The following LAMA2 variants were observed in gnomAD, a reference collection of about 807,000 sequenced individuals.
LAMA2 encodes the protein laminin subunit alpha-2.
Under a neutral mutation model 364.8 loss-of-function variants are expected in LAMA2, and 269 were observed. The observed-to-expected ratio is 0.74, with a 90% CI of 0.67 to 0.82. LAMA2 has a LOEUF of 0.82. LAMA2 is among the 40% of genes least tolerant of loss of function. The pLI is 0.00. For synonymous variants in LAMA2, 1,379 were observed against 1,370.6 expected (o/e 1.01, Z -0.14); for missense variants, 3,807 against 3,873.2 (o/e 0.98, Z 0.45).
Position 128,950,634 on chromosome 6 carries a change from T to C in LAMA2, c.112+67277T>C, listed in dbSNP as rs148230673. 3.9e-5 allele frequency among the ~76,000 whole-genome samples: 6 copies of C among 152,288 alleles called. No individual in the cohort carries two copies. The East Asian group carries it at 1.2e-3, about 29-fold the overall frequency. On this transcript the variant is annotated intron_variant, in intron 1 of 64. Coordinates refer to ENST00000421865, the MANE Select transcript of LAMA2 (RefSeq NM_000426.4). The stretch of plus-strand genomic sequence containing the variant: ...CCTCTTTCTCTCCCTTCTTAGCTGT[T>C]TGACCTCAGTCAAGTTATGTCACCT...
At chr6:129,219,616 G>A (rs907548222) in intron 12 of LAMA2, among the ~76,000 whole-genome samples, 6 of 146,668 alleles carry the variant, frequency 4.1e-5, no homozygotes, top group Admixed American at 1.4e-4. Context: ...AGAAAATGTG[G>A]CACATATACA....
intron 55 of LAMA2, among the ~76,000 whole-genome samples, chr6:129,482,990 C>G (rs1359142114): frequency 6.6e-6 from 1 of 150,780 alleles, no homozygotes; most frequent in Admixed American, 6.6e-5. Context: ...TTGCTTGAAC[C>G]TGGGAGGCCG....
At chr6:128,987,144 T>G (rs1284391864) in intron 1 of LAMA2, among the ~76,000 whole-genome samples, 3 of 143,790 alleles carry the variant, frequency 2.1e-5, no homozygotes, top group Admixed American at 7.0e-5. Flanking sequence ...TTTTTTGTTT[T>G]TTTTTTTTTT....
At chr6:129,184,380 A>T (rs796430923) in intron 10 of LAMA2, among the ~76,000 whole-genome samples, 12 of 151,968 alleles carry the variant, frequency 7.9e-5, no homozygotes, top group African/African-American at 2.9e-4. Flanking sequence ...AGTTCAAATA[A>T]TATTATGTTA....
intron 40 of LAMA2, among the ~76,000 whole-genome samples, chr6:129,426,404 T>C (rs1277865412): frequency 6.6e-6 from 1 of 152,100 alleles, no homozygotes; most frequent in Admixed American, 6.6e-5. Context: ...TCTGAGTGGG[T>C]AACCTGAGGC....
intron 3 of LAMA2, among the ~76,000 whole-genome samples, chr6:129,079,636 G>C (rs1429689613): frequency 1.3e-5 from 2 of 151,316 alleles, no homozygotes; most frequent in South Asian, 4.2e-4. Flanking sequence ...TCGTTTCCCA[G>C]TATTTCTTGA....
chr6:129,243,122 T>A (rs1259891118), intron 12 of LAMA2, among the ~76,000 whole-genome samples: 2 of 152,136 alleles, frequency 1.3e-5, no homozygotes, highest in Non-Finnish European at 2.9e-5. Flanking sequence ...GAACTCCTAA[T>A]TGTCTGGTTT....
At chr6:128,987,656 G>C (rs752482358) in intron 1 of LAMA2, among the ~76,000 whole-genome samples, 3 of 152,110 alleles carry the variant, frequency 2.0e-5, no homozygotes, top group Non-Finnish European at 4.4e-5. Flanking sequence ...GTTGATTGGG[G>C]CAGAGAAAAT....
intron 4 of LAMA2, among the ~76,000 whole-genome samples, chr6:129,113,230 C>A (rs532784731): frequency 6.6e-6 from 1 of 152,058 alleles, no homozygotes; most frequent in South Asian, 2.1e-4. Flanking sequence ...AGTGTGTTAG[C>A]CCCTCATTTT....
chr6:129,309,300 A>T (rs1171497235), intron 22 of LAMA2, among the ~76,000 whole-genome samples: 4 of 152,176 alleles, frequency 2.6e-5, no homozygotes, highest in African/African-American at 4.8e-5. Context: ...TCTATTTATG[A>T]TTTAAATTTG....
intron 1 of LAMA2, among the ~76,000 whole-genome samples, chr6:128,960,343 CTT>C (rs35955136): frequency 9.6e-4 from 107 of 111,988 alleles, no homozygotes; most frequent in East Asian, 8.0e-3. Context: ...TTTTTTTTTC[CTT>C]TTTTTTTTTT....
At chr6:129,153,559 G>C (rs1181319344) in intron 7 of LAMA2, among the ~76,000 whole-genome samples, 1 of 152,130 alleles carries the variant, frequency 6.6e-6, no homozygotes, top group Non-Finnish European at 1.5e-5. Flanking sequence ...CTGGAGTCTG[G>C]CTTCAGAGGT....
In LAMA2 at chr6:129,342,126, T is replaced by C. The variant is rs1387918; in HGVS notation, c.4312-217T>C. The stretch of plus-strand genomic sequence containing the variant: ...ACTCTTATTGTCAGTGTAGCTACGA[T>C]AGCACAGTATTAGTTTCTCAAATCA... On this transcript the variant is annotated intron_variant, in intron 29 of 64. Transcript: ENST00000421865. Among the ~76,000 whole-genome samples, 58,407 of 152,090 alleles carry C rather than the reference T, an allele frequency of 0.38. 12,993 individuals are homozygous for C. The highest frequency in any genetic ancestry group is 0.5 in the Non-Finnish European group (34,034 of 67,940).
At chr6:128,961,596 G>C (rs1018204149) in intron 1 of LAMA2, among the ~76,000 whole-genome samples, 1 of 148,300 alleles carries the variant, frequency 6.7e-6, no homozygotes, top group African/African-American at 2.6e-5. Context: ...AGACTGGGAG[G>C]CTATGCCAGT....
At chr6:129,442,936 C>T in intron 43 of LAMA2, 127 bp from the exon 44 acceptor site, 1 of 638,896 alleles carries the variant, frequency 1.6e-6, no homozygotes, top group Non-Finnish European at 2.7e-6. Flanking sequence ...AAATGGGGTG[C>T]ATTTATAATT....
chr6:129,362,923 C>T (rs12215657), intron 32 of LAMA2, among the ~76,000 whole-genome samples: 48,009 of 152,066 alleles, frequency 0.32, 7,751 homozygotes, highest in East Asian at 0.48. Flanking sequence ...AAAAGGACCT[C>T]TTCCAAATCC....
At chr6:128,883,382 T>G (rs558927998) in intron 1 of LAMA2, 25 bp downstream of exon 1, 1 of 1,564,762 alleles carries the variant, frequency 6.4e-7, no homozygotes, top group African/African-American at 1.4e-5. Context: ...TGGGCTTGGG[T>G]TGCATCCTTT....
At chr6:129,482,171 G>A (rs1784379906) in intron 55 of LAMA2, among the ~76,000 whole-genome samples, 1 of 152,084 alleles carries the variant, frequency 6.6e-6, no homozygotes, top group African/African-American at 2.4e-5. Context: ...AAATGGGCAT[G>A]GTCGTGCACA....
intron 40 of LAMA2, among the ~76,000 whole-genome samples, chr6:129,408,344 C>T (rs189179747): frequency 3.0e-4 from 46 of 152,280 alleles, no homozygotes; most frequent in Non-Finnish European, 3.4e-4. Context: ...ACAATTCTAT[C>T]AATCCACCTG....
Sources: allele counts gnomAD v4.1 joint callset (sites outside exome capture counted in the v4.1 genomes callset), GRCh38; gene constraint gnomAD v4.1.1; transcripts MANE v1.5; gene names NCBI Gene and HGNC (gene_info 2026-07-23, HGNC 2026-07-21).